RABGAP1L: variants seen among roughly 807,000 people sequenced by gnomAD.
RABGAP1L encodes RAB GTPase activating protein 1 like.
Under a neutral mutation model 137.7 loss-of-function variants are expected in RABGAP1L, and 63 were observed. That is an observed-to-expected ratio of 0.46 (90% confidence interval 0.37 to 0.56). The LOEUF is 0.56. Among genes scored for constraint, RABGAP1L ranks in the 20% least tolerant of loss-of-function variants. RABGAP1L has a pLI of 0.00. For synonymous variants in RABGAP1L, 431 were observed against 433.7 expected (o/e 0.99, Z 0.08); for missense variants, 1,095 against 1,244.0 (o/e 0.88, Z 1.80).
intron 13 of RABGAP1L, among the ~76,000 whole-genome samples, chr1:174,539,366 A>G (rs775458689): frequency 2.7e-4 from 41 of 151,808 alleles, no homozygotes; most frequent in Non-Finnish European, 1.2e-4. Flanking sequence ...ATATGTATAC[A>G]TGTGCCACGT....
chr1:174,720,290 TAGACAGAC>T (rs1553241062), intron 17 of RABGAP1L, among the ~76,000 whole-genome samples: 2 of 141,678 alleles, frequency 1.4e-5, no homozygotes, highest in Admixed American at 7.0e-5. Context: ...GATAGATAGA[TAGACAGAC>T]AGATAGTTGG....
At chr1:174,288,485 G>C (rs531688156) in intron 10 of RABGAP1L, among the ~76,000 whole-genome samples, 9 of 152,148 alleles carry the variant, frequency 5.9e-5, no homozygotes, top group African/African-American at 1.9e-4. Context: ...TAGTATTCTT[G>C]GTTGAGGATT....
intron 19 of RABGAP1L, among the ~76,000 whole-genome samples, chr1:174,860,507 G>C (rs530456943): frequency 6.6e-6 from 1 of 152,158 alleles, no homozygotes; most frequent in Non-Finnish European, 1.5e-5. Flanking sequence ...AAGTAGAGAG[G>C]TAGGGTGGGG....
At chr1:174,245,021 T>G (rs1259730526) in intron 5 of RABGAP1L, 1 of 152,244 alleles carries the variant, frequency 6.6e-6, no homozygotes, top group East Asian at 1.9e-4. Flanking sequence ...TTGTTTTTTC[T>G]TGGGGTTGCA....
chr1:174,238,622 C>T (rs12090946), intron 4 of RABGAP1L, among the ~76,000 whole-genome samples: 105 of 147,982 alleles, frequency 7.1e-4, no homozygotes, highest in East Asian at 2.2e-3. Context: ...GCAGTCTGCC[C>T]GTTCTCAGAT....
chr1:174,240,313 C>A (rs1221158421), intron 4 of RABGAP1L, among the ~76,000 whole-genome samples: 1 of 152,200 alleles, frequency 6.6e-6, no homozygotes, highest in African/African-American at 2.4e-5. Flanking sequence ...GTGGCACGAT[C>A]TTGGTGCACT....
chr1:174,816,734 C>CTTTT (rs59080997), intron 19 of RABGAP1L, among the ~76,000 whole-genome samples: 2 of 138,300 alleles, frequency 1.4e-5, no homozygotes, highest in Non-Finnish European at 1.5e-5. Context: ...AGAAACAAGT[C>CTTTT]TTTTTTTTTT....
intron 12 of RABGAP1L, among the ~76,000 whole-genome samples, chr1:174,385,848 G>A (rs768799304): frequency 1.3e-5 from 2 of 152,186 alleles, no homozygotes; most frequent in Non-Finnish European, 2.9e-5. Flanking sequence ...AGGAATGAAA[G>A]CCCAGCTGGA....
At chr1:174,578,135 ATACTT>A (rs1246855344) in intron 13 of RABGAP1L, among the ~76,000 whole-genome samples, 9 of 152,234 alleles carry the variant, frequency 5.9e-5, no homozygotes, top group African/African-American at 2.2e-4. Flanking sequence ...TTTGTCCACT[ATACTT>A]TTAAAAAAAT....
At chr1:174,643,743 T>G (rs2148362631) in intron 14 of RABGAP1L, among the ~76,000 whole-genome samples, 1 of 152,264 alleles carries the variant, frequency 6.6e-6, no homozygotes, top group East Asian at 1.9e-4. Context: ...CAGAGTTTGA[T>G]TTAGTTTTTT....
intron 1 of RABGAP1L, among the ~76,000 whole-genome samples, chr1:174,201,708 T>A (rs1668118693): frequency 6.6e-6 from 1 of 151,822 alleles, no homozygotes; most frequent in Non-Finnish European, 1.5e-5. Context: ...CGTGCAGGTT[T>A]GTTACATATG....
chr1:174,827,622 A>T lies in RABGAP1L; in HGVS notation c.2340+15662A>T, dbSNP rs1370662711. 1.4e-5 allele frequency among the ~76,000 whole-genome samples: 2 copies of T among 147,554 alleles called. 1 individual carries two copies. The highest frequency in any genetic ancestry group is 4.9e-5 in the African/African-American group (2 of 40,428). Reference sequence around the variant, plus strand: ...CACGTGACAGTTTCCTATTTTTGTCAGCATACCCAACATCACCCATTTTCT... The same window carrying T: ...CACGTGACAGTTTCCTATTTTTGTCTGCATACCCAACATCACCCATTTTCT... On this transcript the variant is annotated intron_variant, in intron 19 of 25. Coordinates refer to ENST00000681986, the MANE Select transcript of RABGAP1L (RefSeq NM_001366446.1).
intron 14 of RABGAP1L, among the ~76,000 whole-genome samples, chr1:174,658,955 A>G (rs1676173473): frequency 6.6e-6 from 1 of 152,220 alleles, no homozygotes; most frequent in African/African-American, 2.4e-5. Flanking sequence ...ACCTGTAAAG[A>G]AAAACTGATT....
At chr1:174,447,979 C>T in intron 13 of RABGAP1L, 1 of 597,838 alleles carries the variant, frequency 1.7e-6, no homozygotes, top group Non-Finnish European at 2.9e-6. Flanking sequence ...CTGGGACTCT[C>T]AGCTGTGACA....
intron 4 of RABGAP1L, among the ~76,000 whole-genome samples, chr1:174,232,871 C>T (rs892730964): frequency 1.3e-5 from 2 of 152,084 alleles, no homozygotes; most frequent in Non-Finnish European, 2.9e-5. Context: ...CACTGTTGAC[C>T]TACTGCTCCA....
chr1:174,937,958 G>C (rs866022481), intron 19 of RABGAP1L, among the ~76,000 whole-genome samples: 2 of 151,264 alleles, frequency 1.3e-5, no homozygotes, highest in African/African-American at 2.4e-5. Context: ...TGATCTGCCC[G>C]CCTCAGCCTC....
At chr1:174,898,172 A>G (rs2149145589) in intron 19 of RABGAP1L, among the ~76,000 whole-genome samples, 1 of 152,302 alleles carries the variant, frequency 6.6e-6, no homozygotes, top group African/African-American at 2.4e-5. Context: ...GTTTCATCTT[A>G]ATAGCACTAA....
chr1:174,970,959 A>G (rs1300141816), intron 21 of RABGAP1L, among the ~76,000 whole-genome samples: 1 of 151,872 alleles, frequency 6.6e-6, no homozygotes, highest in Non-Finnish European at 1.5e-5. Flanking sequence ...GTAAACATTT[A>G]TAATGTTTGC....
intron 1 of RABGAP1L, among the ~76,000 whole-genome samples, chr1:174,204,359 C>A (rs1168071930): frequency 6.6e-6 from 1 of 151,880 alleles, no homozygotes; most frequent in Non-Finnish European, 1.5e-5. Context: ...TATCTGTAAA[C>A]AGAGATAGTT....
Sources: allele counts gnomAD v4.1 joint callset (sites outside exome capture counted in the v4.1 genomes callset), GRCh38; gene constraint gnomAD v4.1.1; transcripts MANE v1.5; gene names NCBI Gene and HGNC (gene_info 2026-07-23, HGNC 2026-07-21).